GABRR2: variants seen among roughly 807,000 people sequenced by gnomAD.
GABRR2 encodes the protein gamma-aminobutyric acid receptor subunit rho-2.
GABRR2 carries 36 observed loss-of-function variants against 47.0 expected under a neutral mutation model. The ratio of observed to expected loss-of-function variants is 0.77; its 90% CI spans 0.59 to 1.01. GABRR2 has a LOEUF of 1.01. GABRR2 is among the 50% of genes least tolerant of loss of function. The pLI is 0.00. For synonymous variants in GABRR2, 204 were observed against 227.5 expected (o/e 0.90, Z 0.93); for missense variants, 587 against 594.6 (o/e 0.99, Z 0.13).
chr6:89,293,728 A>G (rs187525166), intron 2 of GABRR2, among the ~76,000 whole-genome samples: 42 of 152,366 alleles, frequency 2.8e-4, no homozygotes, highest in Admixed American at 1.4e-3. Flanking sequence ...TTGAGGCTGC[A>G]GTAAGCTCTG....
chr6:89,269,679 A>T (rs992984337), intron 3 of GABRR2, among the ~76,000 whole-genome samples: 3 of 152,240 alleles, frequency 2.0e-5, no homozygotes, highest in African/African-American at 7.2e-5. Context: ...TAGGCTTATA[A>T]GATCCTTGAA....
At chr6:89,280,436 C>G (rs1040459318) in intron 2 of GABRR2, among the ~76,000 whole-genome samples, 1 of 151,916 alleles carries the variant, frequency 6.6e-6, no homozygotes, top group African/African-American at 2.4e-5. Context: ...GAAGGAATGA[C>G]TCTGCCAACC....
chr6:89,291,123 A>G (rs1774433040), intron 2 of GABRR2, among the ~76,000 whole-genome samples: 1 of 152,134 alleles, frequency 6.6e-6, no homozygotes, highest in South Asian at 2.1e-4. Context: ...TCACACACTC[A>G]GGAGGTGCCC....
chr6:89,272,757 TG>T (rs1165913110), intron 2 of GABRR2, among the ~76,000 whole-genome samples: 1 of 152,114 alleles, frequency 6.6e-6, no homozygotes, highest in East Asian at 1.9e-4. Context: ...GGGAGAACCT[TG>T]GGGGGACTTG....
chr6:89,278,240 G>A (rs1045580005), intron 2 of GABRR2, among the ~76,000 whole-genome samples: 1 of 152,210 alleles, frequency 6.6e-6, no homozygotes, highest in Non-Finnish European at 1.5e-5. Flanking sequence ...TGTTGGAGAT[G>A]AAAGAATAAA....
rs190519485 is a variant in GABRR2, at chr6:89,286,567, C to T, written c.220+13192G>A. Reference sequence around the variant, plus strand: ...GTTAATTATACCTCAAAGCAGAAAACAAAATGAAAAAAAAAAACTATGACA... The same window carrying T: ...GTTAATTATACCTCAAAGCAGAAAATAAAATGAAAAAAAAAAACTATGACA... On this transcript the variant is annotated intron_variant, in intron 2 of 8. Coordinates refer to ENST00000402938, the MANE Select transcript of GABRR2 (RefSeq NM_002043.5). Among the ~76,000 whole-genome samples, 41 of 150,946 alleles carry T rather than the reference C, an allele frequency of 2.7e-4. 1 individual carries two copies. Among genetic ancestry groups the T allele is most frequent in the Admixed American group, 1.5e-3 (23 of 15,222 alleles).
chr6:89,272,850 C>T (rs1316380449), intron 2 of GABRR2, among the ~76,000 whole-genome samples: 1 of 152,162 alleles, frequency 6.6e-6, no homozygotes, highest in Non-Finnish European at 1.5e-5. Context: ...CCAGAGATTC[C>T]CACACTGCGT....
chr6:89,289,644 C>T (rs1402175955), intron 2 of GABRR2, among the ~76,000 whole-genome samples: 1 of 152,098 alleles, frequency 6.6e-6, no homozygotes, highest in Non-Finnish European at 1.5e-5. Flanking sequence ...ATCTGAATTA[C>T]AGTCTGATGG....
chr6:89,280,253 T>C (rs59040004), intron 2 of GABRR2, among the ~76,000 whole-genome samples: 36,530 of 124,784 alleles, frequency 0.29, 5,732 homozygotes, highest in Admixed American at 0.34. Context: ...TATATATATA[T>C]ACATACATAT....
chr6:89,301,573 C>T (rs1767440603), intron 1 of GABRR2, among the ~76,000 whole-genome samples: 1 of 151,658 alleles, frequency 6.6e-6, no homozygotes, highest in Non-Finnish European at 1.5e-5. Context: ...TCCTATATGC[C>T]AACAATGGTC....
chr6:89,271,286 G>A (rs1391064238), intron 3 of GABRR2, among the ~76,000 whole-genome samples: 1 of 152,128 alleles, frequency 6.6e-6, no homozygotes, highest in African/African-American at 2.4e-5. Flanking sequence ...CTTGCAGCAG[G>A]AACTGAACAT....
intron 2 of GABRR2, among the ~76,000 whole-genome samples, chr6:89,294,091 G>C (rs2127845352): frequency 6.6e-6 from 1 of 152,012 alleles, no homozygotes; most frequent in East Asian, 1.9e-4. Flanking sequence ...TTGGTGCTTG[G>C]GTCCCACCCC....
intron 2 of GABRR2, among the ~76,000 whole-genome samples, chr6:89,290,248 G>C (rs2127843485): frequency 6.6e-6 from 1 of 152,384 alleles, no homozygotes; most frequent in East Asian, 1.9e-4. Context: ...ATGTGTGCCA[G>C]CACAGGCAGA....
At chr6:89,275,185 A>C (rs1774135957) in intron 2 of GABRR2, among the ~76,000 whole-genome samples, 1 of 152,238 alleles carries the variant, frequency 6.6e-6, no homozygotes, top group African/African-American at 2.4e-5. Context: ...CTAGAAAATC[A>C]ATCAAGGAAT....
At position 89,299,883 on chromosome 6, in the gene GABRR2, A is replaced by T; in HGVS notation, c.114-18T>A. On this transcript the variant is annotated intron_variant, in intron 1 of 8. Transcript: ENST00000402938. ...ATAAGTGACTGTGAAGACAAGCAAG[A>T]AACTATTTTCCATCGGCTCTTCAAT... 6.5e-7 allele frequency: 1 copy of T among 1,531,022 alleles called. No individual in the cohort carries two copies. Among genetic ancestry groups the T allele is most frequent in the Non-Finnish European group, 9.1e-7 (1 of 1,104,360 alleles). 94.8% of individuals were successfully genotyped at this position (1,531,022 alleles called of 1,614,324 possible).
At chr6:89,259,598 G>C (rs1243657691) in intron 8 of GABRR2, among the ~76,000 whole-genome samples, 1 of 151,872 alleles carries the variant, frequency 6.6e-6, no homozygotes, top group African/African-American at 2.4e-5. Flanking sequence ...CCGCCTCCAA[G>C]GGTCAAGCGA....
At chr6:89,258,767 G>C (rs1285131674) in intron 8 of GABRR2, among the ~76,000 whole-genome samples, 1 of 150,342 alleles carries the variant, frequency 6.7e-6, no homozygotes, top group Non-Finnish European at 1.5e-5. Flanking sequence ...ATGAGGTAGA[G>C]AGTGTCCTTA....
Position 89,292,765 on chromosome 6 carries a change from TATATCGTATATATCGTATATACG to T in GABRR2, c.220+6971_220+6993del, listed in dbSNP as rs1297087382. Among the ~76,000 whole-genome samples, 6 of 39,806 alleles carry T rather than the reference TATATCGTATATATCGTATATACG, an allele frequency of 1.5e-4. 1 individual carries two copies. The highest frequency in any genetic ancestry group is 5.9e-4 in the African/African-American group (3 of 5,072). The allele number at this position is 39,806 out of a possible 152,430, so 26.1% of individuals were successfully genotyped here. On this transcript the variant is annotated intron_variant, in intron 2 of 8. Transcript: ENST00000402938. ...ATAATCGTATATATCGTATATACGA[TATATCGTATATATCGTATATACG>T]ATATATCGTATATATCGTATATACG...
chr6:89,283,816 G>A (rs1582451718), intron 2 of GABRR2, among the ~76,000 whole-genome samples: 1 of 152,116 alleles, frequency 6.6e-6, no homozygotes, highest in Non-Finnish European at 1.5e-5. Context: ...GCACGTTCAC[G>A]ATCACACTAT....
Sources: gnomAD v4.1 joint callset for allele counts (sites outside exome capture counted in the v4.1 genomes callset) on GRCh38, gnomAD v4.1.1 for gene constraint, MANE v1.5 for transcripts, NCBI Gene and HGNC (gene_info 2026-07-23, HGNC 2026-07-21) for gene names.